Variants in FAR2 observed in about 807,000 individuals in gnomAD.
FAR2 encodes fatty acyl-CoA reductase 2.
Under a neutral mutation model 56.0 loss-of-function variants are expected in FAR2, and 19 were observed. The ratio of observed to expected loss-of-function variants is 0.34; its 90% confidence interval spans 0.24 to 0.50. FAR2 has a LOEUF of 0.50. Among genes scored for constraint, FAR2 ranks in the 20% least tolerant of loss-of-function variants. The pLI, the probability that FAR2 is intolerant of heterozygous loss-of-function variation, is 0.98. For synonymous variants in FAR2, 219 were observed against 218.8 expected (o/e 1.00, Z -0.01); for missense variants, 508 against 642.2 (o/e 0.79, Z 2.26).
At chr12:29,284,342 C>T (rs1948836155) in intron 2 of FAR2, among the ~76,000 whole-genome samples, 3 of 152,094 alleles carry the variant, frequency 2.0e-5, no homozygotes, top group Non-Finnish European at 2.9e-5. Context: ...TTGAGAATTC[C>T]TCATCCGAGA....
At chr12:29,189,424 C>A (rs984435277) in intron 1 of FAR2, among the ~76,000 whole-genome samples, 4 of 152,158 alleles carry the variant, frequency 2.6e-5, no homozygotes, top group African/African-American at 9.7e-5. Flanking sequence ...CTCTCTGCCA[C>A]TACAAGATGC....
rs1232703102 is a variant in FAR2 at position 29,334,486 on chromosome 12, C to T, written c.*692C>T. ...GGACTCGTGTATTATGCTTTTAAGT[C>T]AAAATTAATATTCTCAAATTCGAAT... On this transcript the variant is annotated 3_prime_UTR_variant, in exon 12 of 12. Transcript: ENST00000536681. 6.6e-6 allele frequency: 1 copy of T among 152,100 alleles called. No homozygotes were observed. Among genetic ancestry groups the T allele is most frequent in the Non-Finnish European group, 1.5e-5 (1 of 67,980 alleles). 9.4% of individuals were successfully genotyped at this position (152,100 alleles called of 1,614,324 possible). A position where few individuals can be genotyped will look rare whatever the true frequency, so the allele number is the denominator to read the frequency against.
At chr12:29,328,821 A>C (rs1949687512) in intron 10 of FAR2, among the ~76,000 whole-genome samples, 1 of 152,082 alleles carries the variant, frequency 6.6e-6, no homozygotes, top group Non-Finnish European at 1.5e-5. Context: ...GCAGCACACC[A>C]ACATGGCACA....
intron 4 of FAR2, among the ~76,000 whole-genome samples, chr12:29,307,201 G>T (rs1274633723): frequency 6.6e-6 from 1 of 152,128 alleles, no homozygotes; most frequent in East Asian, 1.9e-4. Flanking sequence ...TTATGAGCTT[G>T]CTAGAGAGGA....
At chr12:29,199,616 G>GAGA (rs1947380811) in intron 1 of FAR2, among the ~76,000 whole-genome samples, 1 of 141,754 alleles carries the variant, frequency 7.1e-6, no homozygotes, top group East Asian at 2.1e-4. Context: ...AAAAAAAAAA[G>GAGA]AAAGAAAAGA....
intron 10 of FAR2, chr12:29,331,409 T>C (rs1355091826): frequency 1.3e-5 from 2 of 152,062 alleles, no homozygotes; most frequent in Non-Finnish European, 2.9e-5. Flanking sequence ...TCCAAATACA[T>C]GAAATAAAAC....
At chr12:29,330,928 ATTG>A (rs1221343069) in intron 10 of FAR2, among the ~76,000 whole-genome samples, 1 of 152,190 alleles carries the variant, frequency 6.6e-6, no homozygotes, top group African/African-American at 2.4e-5. Context: ...AATAGAATAA[ATTG>A]TTGTGTAACA....
At chr12:29,304,655 T>A (rs892685559) in intron 4 of FAR2, among the ~76,000 whole-genome samples, 5 of 152,204 alleles carry the variant, frequency 3.3e-5, no homozygotes, top group African/African-American at 1.2e-4. Context: ...ATTAATGATA[T>A]AATCATGTTG....
intron 3 of FAR2, among the ~76,000 whole-genome samples, chr12:29,295,800 C>T (rs12305017): frequency 0.054 from 6,312 of 117,682 alleles, 416 homozygotes; most frequent in African/African-American, 0.17. Context: ...CTCGCTCTGT[C>T]GCCCAGGCCG....
intron 1 of FAR2, among the ~76,000 whole-genome samples, chr12:29,164,930 C>T (rs1479067262): frequency 6.6e-6 from 1 of 152,304 alleles, no homozygotes; most frequent in East Asian, 1.9e-4. Context: ...CCTTACAGAA[C>T]TATTTACTTG....
chr12:29,167,153 G>A (rs868161844), intron 1 of FAR2, among the ~76,000 whole-genome samples: 1 of 152,078 alleles, frequency 6.6e-6, no homozygotes, highest in Admixed American at 6.6e-5. Flanking sequence ...CAAATCCATC[G>A]CTATCCCCAT....
At chr12:29,295,740 A>G (rs866435370) in intron 3 of FAR2, among the ~76,000 whole-genome samples, 6 of 142,096 alleles carry the variant, frequency 4.2e-5, no homozygotes, top group Middle Eastern at 3.7e-3. Context: ...ACAAGCAGCT[A>G]GTGATTTTTT....
rs182146706 is a variant in FAR2 at position 29,168,362 on chromosome 12, G to T, written c.-39+18955G>T. On this transcript the variant is annotated intron_variant, in intron 1 of 11. Coordinates refer to ENST00000536681, the MANE Select transcript of FAR2 (RefSeq NM_001271783.2). ...TATTTCTGGTCAGCTCATTTCTGGG[G>T]ATGGAGAGCAGTGTGCTTACTGACA... Among the ~76,000 whole-genome samples the T allele has an allele frequency of 2.5e-4, 38 of 152,334 alleles. No homozygotes were observed. The East Asian group carries it at 7.3e-3, about 29-fold the overall frequency.
rs1182887132 is a variant in FAR2 at position 29,335,278 on chromosome 12, A to T, written c.*1484A>T. On this transcript the variant is annotated 3_prime_UTR_variant, in exon 12 of 12. Coordinates refer to ENST00000536681, the MANE Select transcript of FAR2 (RefSeq NM_001271783.2). ...CCAGATTCTCCTGAGCTCTATATAA[A>T]GGGCATTTTGGAGGAACTCTTCTGG... is the stretch of plus-strand genomic sequence containing the variant. 6.6e-6 allele frequency: 1 copy of T among 152,176 alleles called. No homozygotes were observed. Among genetic ancestry groups the T allele is most frequent in the Non-Finnish European group, 1.5e-5 (1 of 68,028 alleles). The allele number at this position is 152,176 out of a possible 1,614,324, so 9.4% of individuals were successfully genotyped here.
chr12:29,288,738 T>C (rs1948913293), intron 2 of FAR2, among the ~76,000 whole-genome samples: 1 of 152,170 alleles, frequency 6.6e-6, no homozygotes, highest in Non-Finnish European at 1.5e-5. Flanking sequence ...CTATCTGCTA[T>C]CTCTCATCAC....
At chr12:29,262,735 AGAG>A (rs1948442886) in intron 1 of FAR2, among the ~76,000 whole-genome samples, 1 of 152,238 alleles carries the variant, frequency 6.6e-6, no homozygotes, top group East Asian at 1.9e-4. Flanking sequence ...GAAGGAAGGA[AGAG>A]AAGACCACAA....
intron 1 of FAR2, among the ~76,000 whole-genome samples, chr12:29,185,838 T>C (rs1443192355): frequency 2.6e-5 from 4 of 152,104 alleles, no homozygotes; most frequent in Admixed American, 6.5e-5. Flanking sequence ...GACACGCCCA[T>C]TCAACAAATA....
chr12:29,149,665 C>T (rs564873916), intron 1 of FAR2, among the ~76,000 whole-genome samples: 4 of 152,224 alleles, frequency 2.6e-5, no homozygotes, highest in African/African-American at 4.8e-5. Flanking sequence ...CGGCGGAGCC[C>T]GCCAAGGTGG....
At chr12:29,225,555 T>C (rs185619447) in intron 1 of FAR2, among the ~76,000 whole-genome samples, 25 of 152,258 alleles carry the variant, frequency 1.6e-4, no homozygotes, top group Non-Finnish European at 3.5e-4. Flanking sequence ...GTGGGAAAAT[T>C]GGATGAAGGT....
Sources: gnomAD v4.1 joint callset for allele counts (sites outside exome capture counted in the v4.1 genomes callset) on GRCh38, gnomAD v4.1.1 for gene constraint, MANE v1.5 for transcripts, NCBI Gene and HGNC (gene_info 2026-07-23, HGNC 2026-07-21) for gene names.